Variants in NAPRT observed in about 807,000 individuals in gnomAD.
NAPRT encodes nicotinate phosphoribosyltransferase, also known as FHA-HIT-interacting protein.
NAPRT carries 66 observed loss-of-function variants against 60.7 expected under a neutral mutation model. The ratio of observed to expected loss-of-function variants is 1.09; its 90% CI spans 0.89 to 1.33. NAPRT has a LOEUF of 1.33. Among genes scored for constraint, NAPRT ranks in the 40% most tolerant of loss-of-function variants. The pLI, the probability that NAPRT is intolerant of heterozygous loss-of-function variation, is 0.00. For synonymous variants in NAPRT, 405 were observed against 335.7 expected, an observed-to-expected ratio of 1.21 and a Z score of -2.26; for missense variants, 818 against 731.5, an observed-to-expected ratio of 1.12 and a Z score of -1.36.
chr8:143,574,787 T>C lies in NAPRT; in HGVS notation c.*51A>G. Reference sequence around the variant, plus strand: ...GACACAAACAACACAGGACAAGCTGTGGGGAAAAGTGAGTGATTCGTGTTG... The same window carrying C: ...GACACAAACAACACAGGACAAGCTGCGGGGAAAAGTGAGTGATTCGTGTTG... On this transcript the variant is annotated 3_prime_UTR_variant, in exon 13 of 13. Coordinates refer to ENST00000449291, the MANE Select transcript of NAPRT (RefSeq NM_145201.6). 2.6e-6 allele frequency: 4 copies of C among 1,546,024 alleles called. No individual in the cohort carries two copies. The highest frequency in any genetic ancestry group is 3.5e-6 in the Non-Finnish European group (4 of 1,142,800).
Position 143,574,983 on chromosome 8 carries a change from A to C in NAPRT, c.1554+3T>G. 1 of 1,542,706 alleles carries C rather than the reference A, an allele frequency of 6.5e-7. No individual in the cohort carries two copies. ...AGAATGACAGGGTGGGCCTCCCCCC[A>C]ACCTGGTACTGTGCAGGGCTCCGCA... is the stretch of plus-strand genomic sequence containing the variant. On this transcript the variant is annotated splice_donor_region_variant and intron_variant, in intron 12 of 12. Transcript: ENST00000449291.
chr8:143,576,697 A>C lies in NAPRT; in HGVS notation c.830T>G (p.Leu277Trp). 6.2e-7 allele frequency: 1 copy of C among 1,611,078 alleles called. No homozygotes were observed. Among genetic ancestry groups the C allele is most frequent in the Non-Finnish European group, 8.5e-7 (1 of 1,179,548 alleles). ...GERAAFVAYA[L>W]AFPRAFQGLL... The stretch of plus-strand genomic sequence containing the variant: ...GCCCTGGAAGGCCCGGGGAAAAGCC[A>C]AGGCATAGGCCACAAAGGCTGCCCG... The change falls in exon 6 of 13, where the codon TTG becomes TGG. Residue 277 changes from leucine to tryptophan, a missense_variant. Physicochemically the swap from Leu to Trp is moderately conservative, Grantham distance 61. Transcript: ENST00000449291.
chr8:143,576,056 C>T, intron 8 of NAPRT, 22 bp downstream of exon 8: 1 of 1,555,704 alleles, frequency 6.4e-7, no homozygotes, highest in South Asian at 1.2e-5. Context: ...CCACCCTCCG[C>T]CTACCCACTC....
intron 3 of NAPRT, 114 bp downstream of exon 3, chr8:143,577,543 A>C: frequency 6.9e-7 from 1 of 1,451,466 alleles, no homozygotes; most frequent in Non-Finnish European, 9.3e-7. Flanking sequence ...TGGGGGCGGG[A>C]GGCCAGTCCT....
Position 143,575,694 on chromosome 8 carries a change from C to T in NAPRT, c.1116G>A (p.Glu372=). ...ALARLAQEGS[E]VNVIGIGTSV... is the part of the protein sequence containing the mutation. Reference sequence around the variant, plus strand: ...TGGTGCCAATGCCAATGACATTCACCTCACTGCCCTGGGTGGGGAAGGGGG... The same window carrying T: ...TGGTGCCAATGCCAATGACATTCACTTCACTGCCCTGGGTGGGGAAGGGGG... Residue 372 remains glutamate (E), a synonymous_variant, in exon 9 of 13, where the codon GAG becomes GAA. Transcript: ENST00000449291. The T allele has an allele frequency of 1.3e-6, 2 of 1,583,446 alleles. No individual in the cohort carries two copies. The highest frequency in any genetic ancestry group is 1.1e-5 in the South Asian group (1 of 87,240).
Position 143,575,461 on chromosome 8 carries a change from G to A in NAPRT, c.1253C>T (p.Pro418Leu), listed in dbSNP as rs1413038922. Residue 418 changes from proline (P) to leucine (L), a missense_variant, in exon 10 of 13, where the codon CCT (proline) becomes CTT (leucine). By Grantham distance (98) the Pro-to-Leu change is moderately conservative. Coordinates refer to ENST00000449291, the MANE Select transcript of NAPRT (RefSeq NM_145201.6). ...LTEDPEKQTL[P>L]GSKAAFRLLG... ...GAGCCGGAAAGCAGCCTTGCTCCCA[G>A]GCAACGTCTGCTTCTCGGGGTCCTC... The A allele has an allele frequency of 6.3e-7, 1 of 1,595,920 alleles. No individual in the cohort carries two copies. Among genetic ancestry groups the A allele is most frequent in the South Asian group, 1.1e-5 (1 of 90,776 alleles).
chr8:143,574,748 C>A (rs1440043918), downstream of NAPRT: 1 of 1,496,610 alleles, frequency 6.7e-7, no homozygotes, highest in Non-Finnish European at 9.1e-7. Flanking sequence ...AGCCCGTGGG[C>A]TGGGTGAACA....
Position 143,576,824 on chromosome 8 carries a change from C to A in NAPRT, c.703G>T (p.Gly235Cys). Residue 235 changes from glycine to cysteine, a missense_variant, in exon 6 of 13, where the codon GGT becomes TGT. Physicochemically the swap from Gly to Cys is radical, Grantham distance 159 (BLOSUM62 -3). Transcript: ENST00000449291. ...PPDPMLAPAA[G>C]EGPGVDLAAK... is the part of the protein sequence containing the mutation. ...GCCAGGTCCACCCCAGGGCCCTCAC[C>A]AGCTGCTGGCGCCAACATCTGTGGA... 2 of 1,599,472 alleles carry A rather than the reference C, an allele frequency of 1.3e-6. No homozygotes were observed. Among genetic ancestry groups the A allele is most frequent in the Non-Finnish European group, 1.7e-6 (2 of 1,172,106 alleles).
chr8:143,574,005 G>A (rs925306369), downstream of NAPRT: 5 of 152,414 alleles, frequency 3.3e-5, no homozygotes, highest in African/African-American at 1.2e-4. Flanking sequence ...AGGCTGCTTC[G>A]ACAAGAGAGG....
At chr8:143,576,411 C>A (rs1002946427) in intron 7 of NAPRT, 21 bp downstream of exon 7, 1 of 1,590,022 alleles carries the variant, frequency 6.3e-7, no homozygotes, top group Admixed American at 1.7e-5. Context: ...ACCAGGCACA[C>A]CTCCTCCCCG....
intron 1 of NAPRT, 57 bp downstream of exon 1, chr8:143,578,036 C>A: frequency 1.3e-6 from 2 of 1,510,278 alleles, no homozygotes; most frequent in Non-Finnish European, 1.8e-6. Flanking sequence ...CTTCCACCGG[C>A]CATAGGTGGG....
At position 143,577,728 on chromosome 8, in the gene NAPRT, C is replaced by T. The variant is rs180725439; in HGVS notation, c.366G>A (p.Leu122=). ...GSLAFPGVPL[L]QVSGPLLVVQ... Reference sequence around the variant, plus strand: ...CCACCAGGAGCGGCCCGGACACCTGCAGGAGCGGCACCTGCGGGGAGAGAA... The same window carrying T: ...CCACCAGGAGCGGCCCGGACACCTGTAGGAGCGGCACCTGCGGGGAGAGAA... Residue 122 remains leucine (L), a synonymous_variant, in exon 3 of 13, where the codon CTG becomes CTA. Transcript: ENST00000449291. 1.5e-3 allele frequency: 2,326 copies of T among 1,549,270 alleles called. 28 individuals carry two copies. In the African/African-American group the frequency reaches 0.027, roughly 18 times the overall value.
chr8:143,576,100 G>A lies in NAPRT; in HGVS notation c.1085C>T (p.Ala362Val), dbSNP rs200059887. The A allele has an allele frequency of 4.2e-5, 68 of 1,602,666 alleles. No homozygotes were observed. In the Middle Eastern group the frequency reaches 6.6e-4, roughly 16 times the overall value. The stretch of plus-strand genomic sequence containing the variant: ...CACCTCCTGGGCCAGTCGGGCCAGC[G>A]CCTCCTCGTCAATGTTGTTGCTGAC... ...IVVSNNIDEEALARLAQEGSE... is the reference protein window; with the variant it reads ...IVVSNNIDEEVLARLAQEGSE... The change falls in exon 8 of 13, where the codon GCG becomes GTG. Residue 362 changes from alanine (A) to valine (V), a missense_variant. By Grantham distance (64) the Ala-to-Val change is moderately conservative. Coordinates refer to ENST00000449291, the MANE Select transcript of NAPRT (RefSeq NM_145201.6).
rs1288082261 is a variant in NAPRT at position 143,575,363 on chromosome 8, G to C, written c.1292-18C>G. 1 of 1,603,950 alleles carries C rather than the reference G, an allele frequency of 6.2e-7. No individual in the cohort carries two copies. On this transcript the variant is annotated intron_variant, in intron 10 of 12. Transcript: ENST00000449291. ...TGGAGACCCTGTGTGGACGGGGCAAGAATAAGCGGGGGCCCTGGTGCTTTG... is the reference window on the plus strand; with the variant it reads ...TGGAGACCCTGTGTGGACGGGGCAACAATAAGCGGGGGCCCTGGTGCTTTG...
chr8:143,575,480 G>A lies in NAPRT; in HGVS notation c.1234C>T (p.Pro412Ser). Residue 412 changes from proline (P) to serine (S), a missense_variant, in exon 10 of 13, where the codon CCC (proline) becomes TCC (serine). Transcript: ENST00000449291. ...GQPRMKLTED[P>S]EKQTLPGSKA... ...CTCCCAGGCAACGTCTGCTTCTCGGGGTCCTCGGTCAGCTTCATTCGTGGC... is the reference window on the plus strand; with the variant it reads ...CTCCCAGGCAACGTCTGCTTCTCGGAGTCCTCGGTCAGCTTCATTCGTGGC... 17 of 1,599,394 alleles carry A rather than the reference G, an allele frequency of 1.1e-5. No homozygotes were observed. The highest frequency in any genetic ancestry group is 1.4e-5 in the Non-Finnish European group (16 of 1,168,612).
In NAPRT at chr8:143,575,358, G is replaced by T. The variant is rs780143799; in HGVS notation, c.1292-13C>A. ...ATGAGTGGAGACCCTGTGTGGACGG[G>T]GCAAGAATAAGCGGGGGCCCTGGTG... On this transcript the variant is annotated splice_polypyrimidine_tract_variant and intron_variant, in intron 10 of 12. Transcript: ENST00000449291. The T allele has an allele frequency of 6.2e-7, 1 of 1,605,412 alleles. No individual in the cohort carries two copies. The highest frequency in any genetic ancestry group is 8.5e-7 in the Non-Finnish European group (1 of 1,173,772).
intron 3 of NAPRT, 59 bp from the exon 4 acceptor site, chr8:143,577,458 G>A: frequency 1.3e-6 from 2 of 1,548,384 alleles, no homozygotes; most frequent in Non-Finnish European, 1.7e-6. Flanking sequence ...CACCCAAGAC[G>A]GCGGTTACCT....
chr8:143,575,153 G>T (rs576917323), intron 11 of NAPRT, 38 bp downstream of exon 11: 3 of 1,584,028 alleles, frequency 1.9e-6, no homozygotes, highest in East Asian at 2.3e-5. Context: ...GGGCTCTACC[G>T]GGGCTGGGGG....
Position 143,578,143 on chromosome 8 carries a change from C to T in NAPRT, c.176G>A (p.Gly59Asp). 1 of 1,523,670 alleles carries T rather than the reference C, an allele frequency of 6.6e-7. No homozygotes were observed. The highest frequency in any genetic ancestry group is 1.4e-5 in the African/African-American group (1 of 70,396). 94.4% of individuals were successfully genotyped at this position (1,523,670 alleles called of 1,614,324 possible). A position where few individuals can be genotyped will look rare whatever the true frequency, so the allele number is the denominator to read the frequency against. The change falls in exon 1 of 13, where the codon GGC becomes GAC. Residue 59 changes from glycine (G) to aspartate (D), a missense_variant. Coordinates refer to ENST00000449291, the MANE Select transcript of NAPRT (RefSeq NM_145201.6). ...CAGGAAGCGCACACAGTCGCGCAAG[C>T]CGGCGGCCAAGGCGAAGGCGCCGCC... The part of the protein sequence containing the change: ...PFGGAFALAA[G>D]LRDCVRFLRA...
Sources: allele counts gnomAD v4.1 joint callset, GRCh38; gene constraint gnomAD v4.1.1; transcripts MANE v1.5; gene names NCBI Gene and HGNC (gene_info 2026-07-23, HGNC 2026-07-21).